Variants in LRRC51 observed in about 807,000 individuals in gnomAD.
The protein encoded by LRRC51 is leucine rich repeat containing 51.
A neutral mutation model predicts 17.8 loss-of-function variants in LRRC51; 8 were observed. That is an observed-to-expected ratio of 0.45 (90% CI 0.26 to 0.81). LRRC51 has a LOEUF of 0.81. Ranked by LOEUF, LRRC51 falls within the 30% of genes least tolerant of loss-of-function variation. The pLI, the probability that LRRC51 is intolerant of heterozygous loss-of-function variation, is 0.17. For synonymous variants in LRRC51, 92 were observed against 96.0 expected, an observed-to-expected ratio of 0.96 and a Z score of 0.24; for missense variants, 233 against 239.3, an observed-to-expected ratio of 0.97 and a Z score of 0.17.
intron 3 of LRRC51, among the ~76,000 whole-genome samples, chr11:72,090,446 G>A (rs773974846): frequency 6.6e-6 from 1 of 152,140 alleles, no homozygotes; most frequent in East Asian, 1.9e-4. Context: ...TCATTCAACC[G>A]TTCAATATTT....
Position 72,095,767 on chromosome 11 carries a change from G to A in LRRC51, c.*247G>A, listed in dbSNP as rs146321701. 1 of 918,974 alleles carries A rather than the reference G, an allele frequency of 1.1e-6. No individual in the cohort carries two copies. The highest frequency in any genetic ancestry group is 1.7e-5 in the African/African-American group (1 of 58,688). The allele number at this position is 918,974 out of a possible 1,614,324, so 56.9% of individuals were successfully genotyped here. On this transcript the variant is annotated 3_prime_UTR_variant, in exon 6 of 6. Coordinates refer to ENST00000289488, the MANE Select transcript of LRRC51 (RefSeq NM_145309.6). ...GGCTCACTGCAACCTCAGCCTCCCA[G>A]GTTCAAGAGATTCTCCTGCCTCAGC...
rs1945040105 is a variant in LRRC51 at position 72,094,291 on chromosome 11, A to C, written c.288+590A>C. ...CAGAGTGAGACTCCGTCTCAAAAAAAAAAAAAAAGAAAAGAAAATACATGA... is the reference window on the plus strand; with the variant it reads ...CAGAGTGAGACTCCGTCTCAAAAAACAAAAAAAAGAAAAGAAAATACATGA... On this transcript the variant is annotated intron_variant, in intron 4 of 5. Transcript: ENST00000289488. 1.6e-5 allele frequency: 3 copies of C among 190,944 alleles called. No individual in the cohort carries two copies. In the South Asian group the frequency reaches 2.9e-4, roughly 18 times the overall value. 11.8% of individuals were successfully genotyped at this position (190,944 alleles called of 1,614,324 possible).
At chr11:72,088,503 A>G (rs1944670665) in intron 2 of LRRC51, 123 bp downstream of exon 2, 1 of 671,636 alleles carries the variant, frequency 1.5e-6, no homozygotes, top group Non-Finnish European at 2.7e-6. Context: ...AGAGAAGCCA[A>G]GCGGAGAAGG....
In LRRC51 at chr11:72,095,540, G is replaced by C; in HGVS notation, c.*20G>C. The C allele has an allele frequency of 6.2e-7, 1 of 1,612,022 alleles. No individual in the cohort carries two copies. The highest frequency in any genetic ancestry group is 1.1e-5 in the South Asian group (1 of 90,766). ...CTTTGAGGCTCCCACGACCCTAGTA[G>C]TCCTAAAGGCCTAAGCATAGACAGC... On this transcript the variant is annotated 3_prime_UTR_variant, in exon 6 of 6. Coordinates refer to ENST00000289488, the MANE Select transcript of LRRC51 (RefSeq NM_145309.6).
At chr11:72,087,374 A>G (rs774732467) in intron 1 of LRRC51, among the ~76,000 whole-genome samples, 1 of 148,496 alleles carries the variant, frequency 6.7e-6, no homozygotes, top group African/African-American at 2.5e-5. Flanking sequence ...CAGTGGCACA[A>G]TTATAGCTCA....
At chr11:72,089,269 A>G (rs1456296480) in intron 3 of LRRC51, 104 bp downstream of exon 3, 25 of 1,570,738 alleles carry the variant, frequency 1.6e-5, no homozygotes, top group Non-Finnish European at 2.0e-5. Context: ...GATTCTTCCC[A>G]TATGCTTGCA....
intron 1 of LRRC51, 45 bp from the exon 2 acceptor site, chr11:72,088,252 C>T (rs1269599605): frequency 3.1e-6 from 2 of 647,888 alleles, no homozygotes; most frequent in Non-Finnish European, 5.6e-6. Context: ...CAATTCACAC[C>T]ACATTGCAAG....
chr11:72,088,633 G>A (rs1944678123), intron 2 of LRRC51: 3 of 563,766 alleles, frequency 5.3e-6, no homozygotes, highest in Non-Finnish European at 9.5e-6. Flanking sequence ...CAGAGGGTGG[G>A]TATCAAGACA....
intron 3 of LRRC51, among the ~76,000 whole-genome samples, chr11:72,093,159 A>G (rs140795942): frequency 6.6e-6 from 1 of 152,346 alleles, no homozygotes; most frequent in Non-Finnish European, 1.5e-5. Flanking sequence ...ATTTTGTGCT[A>G]TCATCTACTC....
chr11:72,093,702 G>C lies in LRRC51; in HGVS notation c.288+1G>C, dbSNP rs1256574719. On this transcript the variant is annotated splice_donor_variant, in intron 4 of 5. Transcript: ENST00000289488. LOFTEE classifies it high-confidence loss of function. ...TAATGACCTGACTTCCATTGACCCTGTGAGTTCCTAACAGTAGGAATCCAG... is the reference window on the plus strand; with the variant it reads ...TAATGACCTGACTTCCATTGACCCTCTGAGTTCCTAACAGTAGGAATCCAG... 1.2e-6 allele frequency: 2 copies of C among 1,614,160 alleles called. No homozygotes were observed. Among genetic ancestry groups the C allele is most frequent in the Non-Finnish European group, 1.7e-6 (2 of 1,180,002 alleles).
intron 3 of LRRC51, 100 bp downstream of exon 3, chr11:72,089,265 TC>T: frequency 6.3e-7 from 1 of 1,577,500 alleles, no homozygotes. Flanking sequence ...AAGAGATTCT[TC>T]CCATATGCTT....
At position 72,094,957 on chromosome 11, in the gene LRRC51, A is replaced by G. The variant is rs776681747; in HGVS notation, c.298A>G (p.Thr100Ala). ...DLTSIDPVLT[T>A]FFNLSVLYLH... ...TTTCCCTCCCCAACAGGTCCTAACA[A>G]CTTTCTTCAACCTGAGTGTCCTCTA... The change falls in exon 5 of 6, where the codon ACT becomes GCT. Residue 100 changes from threonine to alanine, a missense_variant. Physicochemically the swap from Thr to Ala is moderately conservative, Grantham distance 58. Transcript: ENST00000289488. 73 of 1,613,848 alleles carry G rather than the reference A, an allele frequency of 4.5e-5. No individual in the cohort carries two copies. The highest frequency in any genetic ancestry group is 5.9e-5 in the Non-Finnish European group (70 of 1,179,994).
intron 2 of LRRC51, chr11:72,088,734 T>A: frequency 1.9e-6 from 1 of 514,838 alleles, no homozygotes; most frequent in Non-Finnish European, 3.5e-6. Context: ...ACTCACTGGC[T>A]TAACTCTGGG....
chr11:72,089,008 G>A (rs1310047714), intron 2 of LRRC51, 21 bp from the exon 3 acceptor site: 2 of 1,610,074 alleles, frequency 1.2e-6, no homozygotes, highest in Non-Finnish European at 1.7e-6. Context: ...TTGAAACACT[G>A]GTCTTTCTCT....
At chr11:72,088,915 G>C in intron 2 of LRRC51, 114 bp from the exon 3 acceptor site, 1 of 1,250,874 alleles carries the variant, frequency 8.0e-7, no homozygotes, top group African/African-American at 1.5e-5. Flanking sequence ...TCTTAAAATG[G>C]AAATACAGCC....
In LRRC51 at chr11:72,081,482, G is replaced by A. The variant is rs188702699; in HGVS notation, c.-140+597G>A. ...CAAAACAACGAACCCCGCCCCCAACGCAAACATAAAGCTCCCAAAATCGGA... is the reference window on the plus strand; with the variant it reads ...CAAAACAACGAACCCCGCCCCCAACACAAACATAAAGCTCCCAAAATCGGA... On this transcript the variant is annotated intron_variant, in intron 1 of 5. Coordinates refer to ENST00000289488, the MANE Select transcript of LRRC51 (RefSeq NM_145309.6). Among the ~76,000 whole-genome samples the A allele has an allele frequency of 2.1e-3, 322 of 152,158 alleles. 3 individuals carry two copies. Among genetic ancestry groups the A allele is most frequent in the Non-Finnish European group, 3.7e-3 (250 of 67,990 alleles).
chr11:72,092,907 T>C (rs944305672), intron 3 of LRRC51, among the ~76,000 whole-genome samples: 1 of 152,214 alleles, frequency 6.6e-6, no homozygotes, highest in Non-Finnish European at 1.5e-5. Context: ...ATAGCACTTA[T>C]CACACCATGT....
At chr11:72,087,900 T>C (rs762866771) in intron 1 of LRRC51, among the ~76,000 whole-genome samples, 1 of 151,516 alleles carries the variant, frequency 6.6e-6, no homozygotes, top group Non-Finnish European at 1.5e-5. Flanking sequence ...TTTGTGACAT[T>C]ATATTTCTAG....
At chr11:72,089,294 G>A (rs764973037) in intron 3 of LRRC51, 129 bp downstream of exon 3, 21 of 1,533,846 alleles carry the variant, frequency 1.4e-5, no homozygotes, top group Non-Finnish European at 1.9e-5. Context: ...TGTTGTTACT[G>A]TCTTTTGGAG....
Sources: allele counts gnomAD v4.1 joint callset (sites outside exome capture counted in the v4.1 genomes callset), GRCh38; gene constraint gnomAD v4.1.1; transcripts MANE v1.5; gene names NCBI Gene and HGNC (gene_info 2026-07-23, HGNC 2026-07-21).